The following CES4A variants were observed in gnomAD, a reference collection of about 807,000 sequenced individuals.
CES4A encodes carboxylesterase 4A.
CES4A carries 48 observed loss-of-function variants against 65.4 expected under a neutral mutation model. The observed-to-expected ratio is 0.73, with a 90% CI of 0.58 to 0.93. CES4A has a LOEUF of 0.93. Among genes scored for constraint, CES4A ranks in the 40% least tolerant of loss-of-function variants. CES4A has a pLI of 0.00. For missense variants in CES4A, 685 were observed against 728.5 expected (o/e 0.94, Z 0.69); for synonymous variants, 247 against 281.8 (o/e 0.88, Z 1.24).
intron 2 of CES4A, among the ~76,000 whole-genome samples, chr16:66,999,600 G>A (rs999865299): frequency 6.6e-6 from 1 of 152,162 alleles, no homozygotes. Context: ...CCAGGAGTTC[G>A]AGACCAGCCT....
chr16:66,992,768 C>G (rs1292668656), intron 1 of CES4A, among the ~76,000 whole-genome samples: 1 of 152,174 alleles, frequency 6.6e-6, no homozygotes, highest in African/African-American at 2.4e-5. Flanking sequence ...ACCTCCTCCT[C>G]GCGGGTTCAA....
intron 2 of CES4A, among the ~76,000 whole-genome samples, chr16:66,997,544 T>G (rs1441298735): frequency 6.6e-6 from 1 of 152,080 alleles, no homozygotes; most frequent in East Asian, 1.9e-4. Flanking sequence ...TGCTGGAGAA[T>G]TGGATATAAG....
exon 13 of CES4A, chr16:67,006,785 G>C: frequency 6.2e-7 from 1 of 1,614,180 alleles, no homozygotes; most frequent in Non-Finnish European, 8.5e-7. Flanking sequence ...GCCTCCAGAT[G>C]ATGAAATACT....
At chr16:67,005,832 G>A (rs1417353378) in intron 11 of CES4A, 2 of 172,146 alleles carry the variant, frequency 1.2e-5, no homozygotes, top group African/African-American at 2.4e-5. Flanking sequence ...CTGGGCAACA[G>A]AGCGAGACTC....
At chr16:67,009,404 C>T (rs1966015271) in exon 14 of CES4A, 4 of 374,798 alleles carry the variant, frequency 1.1e-5, no homozygotes, top group Non-Finnish European at 1.9e-5. Context: ...CAACACCACA[C>T]TGTGCTCAGC....
At chr16:67,006,039 G>GT (rs1965733742) in intron 11 of CES4A, 1 of 245,966 alleles carries the variant, frequency 4.1e-6, no homozygotes, top group Non-Finnish European at 8.1e-6. Context: ...AGGTTAAAGG[G>GT]GGGGGGGCTG....
At chr16:66,998,816 G>T (rs934544212) in intron 2 of CES4A, among the ~76,000 whole-genome samples, 11 of 152,012 alleles carry the variant, frequency 7.2e-5, no homozygotes, top group Non-Finnish European at 8.8e-5. Flanking sequence ...AGCCAAGATG[G>T]TGCCACTGCA....
At chr16:67,006,468 G>A in exon 12 of CES4A, 8 of 1,536,536 alleles carry the variant, frequency 5.2e-6, no homozygotes, top group Non-Finnish European at 5.2e-6. Context: ...CACTGATGGG[G>A]CAGACCATGG....
chr16:67,006,044 G>A (rs1015243719), intron 11 of CES4A: 4 of 246,536 alleles, frequency 1.6e-5, no homozygotes, highest in African/African-American at 4.5e-5. Context: ...AAAGGGGGGG[G>A]GGCTGGAAAA....
chr16:66,991,845 A>G (rs201195452), intron 1 of CES4A, among the ~76,000 whole-genome samples: 2 of 152,132 alleles, frequency 1.3e-5, no homozygotes, highest in East Asian at 3.8e-4. Flanking sequence ...TGGCTCATGC[A>G]TGCCTGTACT....
intron 1 of CES4A, among the ~76,000 whole-genome samples, chr16:66,994,216 T>TTTTATTTATTTATTTA (rs59252158): frequency 1.6e-3 from 227 of 144,196 alleles, no homozygotes; most frequent in African/African-American, 5.0e-3. Context: ...AGACATAAAT[T>TTTTATTTATTTATTTA]TTTATTTATT....
Position 67,000,523 on chromosome 16 carries a change from GCA to G in CES4A, c.261-111_261-110del, listed in dbSNP as rs1338700614. The G allele has an allele frequency of 6.9e-7, 1 of 1,455,766 alleles. No homozygotes were observed. Among genetic ancestry groups the G allele is most frequent in the East Asian group, 2.5e-5 (1 of 39,570 alleles). 90.2% of individuals were successfully genotyped at this position (1,455,766 alleles called of 1,614,324 possible). On this transcript the variant is annotated intron_variant, in intron 2 of 13. Transcript: ENST00000648724. The surrounding 1 kb of genome is among the most constrained non-coding windows in gnomAD (Gnocchi z 4.2). ...CACGCACACGCACGCACATGCGCAC[GCA>G]CACGCACGCGCACAGACGCTGCCTG...
intron 5 of CES4A, 108 bp from the exon 6 acceptor site, chr16:67,002,962 C>T (rs2145641500): frequency 1.1e-6 from 1 of 904,366 alleles, no homozygotes; most frequent in Non-Finnish European, 1.8e-6. Flanking sequence ...GCTACTTGCC[C>T]TTCCTGGCTT....
At chr16:66,999,407 G>C (rs1339389828) in intron 2 of CES4A, among the ~76,000 whole-genome samples, 1 of 152,242 alleles carries the variant, frequency 6.6e-6, no homozygotes, top group Admixed American at 6.5e-5. Context: ...CTGGGTGCCA[G>C]TACTCAGATG....
intron 2 of CES4A, 146 bp downstream of exon 2, chr16:66,995,975 G>C (rs891287651): frequency 5.4e-6 from 4 of 742,890 alleles, no homozygotes; most frequent in Non-Finnish European, 9.4e-6. Context: ...TTTCAGACCC[G>C]TATCATGAGC....
chr16:67,009,130 G>C (rs1389499336), exon 14 of CES4A: 1 of 1,612,894 alleles, frequency 6.2e-7, no homozygotes, highest in Non-Finnish European at 8.5e-7. Context: ...CTGAGAAGCA[G>C]AGGCAATTCT....
intron 5 of CES4A, among the ~76,000 whole-genome samples, chr16:67,002,241 C>T (rs1325158866): frequency 6.6e-6 from 1 of 152,128 alleles, no homozygotes; most frequent in East Asian, 1.9e-4. Context: ...TCTCAGCTCA[C>T]CATTACCTCC....
chr16:66,994,732 G>T (rs988169159), intron 1 of CES4A, among the ~76,000 whole-genome samples: 1 of 151,270 alleles, frequency 6.6e-6, no homozygotes, highest in African/African-American at 2.4e-5. Flanking sequence ...CCAGCTACTC[G>T]GGAGGCCGAG....
At chr16:67,009,038 C>G in exon 14 of CES4A, 1 of 1,614,188 alleles carries the variant, frequency 6.2e-7, no homozygotes, top group South Asian at 1.1e-5. Flanking sequence ...GTACCTGCAG[C>G]TGGATTTTAC....
Sources: allele counts gnomAD v4.1 joint callset (sites outside exome capture counted in the v4.1 genomes callset), GRCh38; gene constraint gnomAD v4.1.1; non-coding constraint Gnocchi (gnomAD v3.1); transcripts MANE v1.5; gene names NCBI Gene and HGNC (gene_info 2026-07-23, HGNC 2026-07-21).